Variants in ANXA1 observed in about 807,000 individuals in gnomAD.
ANXA1 encodes annexin A1, also known as annexin I (lipocortin I).
A neutral mutation model predicts 47.9 loss-of-function variants in ANXA1; 39 were observed. The observed-to-expected ratio is 0.81, with a 90% CI of 0.63 to 1.06. The LOEUF is 1.06. Among genes scored for constraint, ANXA1 ranks in the 50% least tolerant of loss-of-function variants. ANXA1 has a pLI of 0.00. For synonymous variants in ANXA1, 146 were observed against 142.5 expected (o/e 1.02, Z -0.17); for missense variants, 446 against 422.7 (o/e 1.06, Z -0.48).
At chr9:73,156,979 A>ATATG (rs1824057956) in intron 1 of ANXA1, among the ~76,000 whole-genome samples, 2 of 152,226 alleles carry the variant, frequency 1.3e-5, no homozygotes, top group South Asian at 4.1e-4. Flanking sequence ...TCTTAAAAAT[A>ATATG]TATGTCTCAT....
At chr9:73,154,196 AG>A in intron 1 of ANXA1, 1 of 696,482 alleles carries the variant, frequency 1.4e-6, no homozygotes, top group South Asian at 1.6e-5. Context: ...TTCTCTCACC[AG>A]GGAAGGTGTG....
intron 1 of ANXA1, among the ~76,000 whole-genome samples, chr9:73,152,361 G>A (rs1823985840): frequency 6.6e-6 from 1 of 152,158 alleles, no homozygotes; most frequent in Non-Finnish European, 1.5e-5. Flanking sequence ...GTGGGCTGCA[G>A]GGAACTGTTT....
chr9:73,170,138 A>G lies in ANXA1; in HGVS notation c.*31A>G. On this transcript the variant is annotated 3_prime_UTR_variant, in exon 13 of 13. Coordinates refer to ENST00000257497, the MANE Select transcript of ANXA1 (RefSeq NM_000700.3). ...CCCTTGATGGTCTCAAGCTATGATCAGAAGACTTTAATTATATATTTTCAT... is the reference window on the plus strand; with the variant it reads ...CCCTTGATGGTCTCAAGCTATGATCGGAAGACTTTAATTATATATTTTCAT... 1.3e-6 allele frequency: 2 copies of G among 1,566,224 alleles called. No homozygotes were observed. The highest frequency in any genetic ancestry group is 2.4e-5 in the South Asian group (2 of 84,672).
chr9:73,165,737 A>G (rs2118169552), intron 9 of ANXA1, among the ~76,000 whole-genome samples: 1 of 152,224 alleles, frequency 6.6e-6, no homozygotes, highest in Middle Eastern at 3.4e-3. Flanking sequence ...ACTGATTTCT[A>G]CTGTTAAATG....
intron 1 of ANXA1, among the ~76,000 whole-genome samples, chr9:73,152,178 C>T (rs1420741763): frequency 2.6e-5 from 4 of 152,152 alleles, no homozygotes; most frequent in African/African-American, 9.7e-5. Flanking sequence ...TCATTGTACT[C>T]TTGGTAAGTT....
rs1224314146 is a variant in ANXA1, at chr9:73,158,703, G to A, written c.75G>A (p.Val25=). ...ENEEQEYVQT[V]KSSKGGPGSA... Reference sequence around the variant, plus strand: ...TTCTCTCTCATTCTTAGCAAACTGTGAAGTCATCCAAAGGTGGTCCCGGAT... The same window carrying A: ...TTCTCTCTCATTCTTAGCAAACTGTAAAGTCATCCAAAGGTGGTCCCGGAT... Residue 25 remains valine (V), a synonymous_variant, in exon 3 of 13, where the codon GTG becomes GTA. Transcript: ENST00000257497. 2 of 1,613,754 alleles carry A rather than the reference G, an allele frequency of 1.2e-6. No individual in the cohort carries two copies. Among genetic ancestry groups the A allele is most frequent in the Admixed American group, 3.3e-5 (2 of 59,964 alleles).
At chr9:73,157,473 G>A in intron 1 of ANXA1, among the ~76,000 whole-genome samples, 1 of 151,690 alleles carries the variant, frequency 6.6e-6, no homozygotes, top group East Asian at 1.9e-4. Flanking sequence ...AGCCAACATG[G>A]TGAAAACCTG....
chr9:73,155,294 G>A (rs910184709), intron 1 of ANXA1, among the ~76,000 whole-genome samples: 5 of 152,164 alleles, frequency 3.3e-5, no homozygotes, highest in African/African-American at 1.2e-4. Flanking sequence ...GTTGAAATCT[G>A]TATTGAGTTA....
intron 12 of ANXA1, 28 bp downstream of exon 12, chr9:73,169,182 C>T: frequency 6.4e-7 from 1 of 1,562,394 alleles, no homozygotes; most frequent in South Asian, 1.2e-5. Flanking sequence ...TAATGCCATC[C>T]CAACAAATGA....
intron 6 of ANXA1, 108 bp downstream of exon 6, chr9:73,161,001 C>T (rs1248629719): frequency 2.5e-5 from 18 of 716,896 alleles, no homozygotes; most frequent in Non-Finnish European, 4.2e-5. Flanking sequence ...GGAATCTCCA[C>T]ATATCAAAAT....
intron 11 of ANXA1, chr9:73,168,117 A>T (rs1027338504): frequency 6.6e-6 from 1 of 152,204 alleles, no homozygotes; most frequent in African/African-American, 2.4e-5. Flanking sequence ...ATAGTTATGA[A>T]GTTATCTTCC....
At chr9:73,163,560 G>A (rs1482221317) in intron 8 of ANXA1, 28 bp downstream of exon 8, 3 of 1,610,566 alleles carry the variant, frequency 1.9e-6, no homozygotes, top group South Asian at 1.1e-5. Flanking sequence ...AAATACTGCT[G>A]CAGTTCATCT....
chr9:73,157,148 G>A (rs191291837), intron 1 of ANXA1, among the ~76,000 whole-genome samples: 2 of 152,118 alleles, frequency 1.3e-5, no homozygotes, highest in South Asian at 4.1e-4. Context: ...TTTTGTGTTG[G>A]GTGGGAAAAT....
intron 10 of ANXA1, among the ~76,000 whole-genome samples, chr9:73,167,234 G>A (rs1019610721): frequency 2.6e-5 from 4 of 152,046 alleles, no homozygotes; most frequent in East Asian, 3.9e-4. Flanking sequence ...GTTGGATAGC[G>A]CAAACTACTG....
At chr9:73,156,321 A>G (rs1419098074) in intron 1 of ANXA1, among the ~76,000 whole-genome samples, 4 of 152,196 alleles carry the variant, frequency 2.6e-5, no homozygotes, top group East Asian at 3.9e-4. Flanking sequence ...TGAAGCTGCT[A>G]GAATTGCTTT....
Position 73,160,366 on chromosome 9 carries a change from C to A in ANXA1, c.374C>A (p.Ala125Asp). ...PAQFDADELRAAMKGLGTDED... is the reference protein window; with the variant it reads ...PAQFDADELRDAMKGLGTDED... Reference sequence around the variant, plus strand: ...CAATTTGATGCTGATGAACTTCGTGCTGCCATGAAGGTAAATCGCCCAATT... The same window carrying A: ...CAATTTGATGCTGATGAACTTCGTGATGCCATGAAGGTAAATCGCCCAATT... Residue 125 changes from alanine (A) to aspartate (D), a missense_variant, in exon 5 of 13, where the codon GCT (alanine) becomes GAT (aspartate). Ala to Asp is a moderately radical substitution (Grantham distance 126). Coordinates refer to ENST00000257497, the MANE Select transcript of ANXA1 (RefSeq NM_000700.3). 6.3e-7 allele frequency: 1 copy of A among 1,575,944 alleles called. No individual in the cohort carries two copies. Among genetic ancestry groups the A allele is most frequent in the South Asian group, 1.2e-5 (1 of 84,280 alleles).
At chr9:73,166,052 G>T (rs1824223623) in intron 9 of ANXA1, 45 bp from the exon 10 acceptor site, 2 of 1,464,532 alleles carry the variant, frequency 1.4e-6, no homozygotes, top group African/African-American at 1.4e-5. Context: ...GCTTTCTAAA[G>T]AAAAGGATGT....
chr9:73,156,063 G>A (rs1024685606), intron 1 of ANXA1, among the ~76,000 whole-genome samples: 1 of 144,828 alleles, frequency 6.9e-6, no homozygotes, highest in African/African-American at 2.5e-5. Context: ...TCTTTCTTTT[G>A]CTTTCTTTTG....
intron 7 of ANXA1, 46 bp from the exon 8 acceptor site, chr9:73,163,430 A>T (rs376750728): frequency 6.4e-7 from 1 of 1,560,140 alleles, no homozygotes; most frequent in Middle Eastern, 1.7e-4. Context: ...AAATCATGCA[A>T]TTACATGCTA....
Sources: allele counts gnomAD v4.1 joint callset (sites outside exome capture counted in the v4.1 genomes callset), GRCh38; gene constraint gnomAD v4.1.1; transcripts MANE v1.5; gene names NCBI Gene and HGNC (gene_info 2026-07-23, HGNC 2026-07-21).